Variants in ZNG1A observed in about 807,000 individuals in gnomAD.
ZNG1A encodes the protein Zn regulated GTPase metalloprotein activator 1A.
At chr9:178,415 C>A in the ZNG1A span, among the ~76,000 whole-genome samples, 6 of 147,428 alleles carry the variant, frequency 4.1e-5, no homozygotes, top group Non-Finnish European at 9.1e-5. Context: ...ACAGACGGGA[C>A]ATCCTTTAAT....
At chr9:173,926 T>A in the ZNG1A span, among the ~76,000 whole-genome samples, 2 of 152,110 alleles carry the variant, frequency 1.3e-5, no homozygotes, top group Non-Finnish European at 2.9e-5. Context: ...GGCGGGCGGA[T>A]CACGAGGTCA....
the ZNG1A span, among the ~76,000 whole-genome samples, chr9:128,974 T>A: frequency 6.6e-6 from 1 of 152,042 alleles, no homozygotes. Flanking sequence ...CCAGCAAGTC[T>A]ACCAGGCTCC....
the ZNG1A span, chr9:162,580 C>G: frequency 1.9e-6 from 2 of 1,032,006 alleles, no homozygotes; most frequent in Non-Finnish European, 2.8e-6. Context: ...TTCACAAATA[C>G]TACTCAATAA....
chr9:172,169 G>A, the ZNG1A span: 12 of 1,611,030 alleles, frequency 7.4e-6, no homozygotes, highest in Non-Finnish European at 1.0e-5. Flanking sequence ...TAAGGCCACT[G>A]TCCCTGGAGA....
At chr9:146,642 G>C in the ZNG1A span, 1 of 152,646 alleles carries the variant, frequency 6.6e-6, no homozygotes, top group Non-Finnish European at 1.4e-5. Context: ...ATCTTCACGT[G>C]ATTTGATTTC....
chr9:161,551 A>G, the ZNG1A span: 1 of 1,285,260 alleles, frequency 7.8e-7, no homozygotes. Context: ...CTGAATTTAA[A>G]CTTCCAAGAA....
chr9:149,237 A>G, the ZNG1A span: 1 of 151,198 alleles, frequency 6.6e-6, no homozygotes, highest in East Asian at 1.9e-4. Context: ...TCCTTCACTA[A>G]CTCCTTGCTC....
At chr9:155,008 T>C in the ZNG1A span, among the ~76,000 whole-genome samples, 1 of 152,178 alleles carries the variant, frequency 6.6e-6, no homozygotes, top group South Asian at 2.1e-4. Flanking sequence ...TTGTGTTCAT[T>C]ACTATGCAAG....
the ZNG1A span, chr9:177,873 A>T: frequency 6.8e-7 from 1 of 1,462,372 alleles, no homozygotes; most frequent in East Asian, 2.5e-5. Flanking sequence ...TCCGAGCAAA[A>T]AACGGGAATA....
chr9:172,235 AAC>A, the ZNG1A span: 2 of 1,594,638 alleles, frequency 1.3e-6, no homozygotes, highest in South Asian at 2.2e-5. Flanking sequence ...GATTATTATA[AAC>A]ACTTTAAAAT....
chr9:160,592 T>C, the ZNG1A span, among the ~76,000 whole-genome samples: 2 of 151,558 alleles, frequency 1.3e-5, no homozygotes, highest in Admixed American at 6.6e-5. Flanking sequence ...ATTCAGAATG[T>C]TGCTTTGTTT....
the ZNG1A span, chr9:135,172 C>T: frequency 2.3e-4 from 351 of 1,495,774 alleles, 1 homozygote; most frequent in Admixed American, 5.6e-4. Context: ...ACAAGTTGTT[C>T]GCAAATTCCA....
At chr9:135,662 CA>C in the ZNG1A span, among the ~76,000 whole-genome samples, 1 of 103,548 alleles carries the variant, frequency 9.7e-6, no homozygotes, top group Non-Finnish European at 1.7e-5. Flanking sequence ...TACATTTCAA[CA>C]CTGATGGGGA....
chr9:162,350 C>T, the ZNG1A span: 1 of 1,277,592 alleles, frequency 7.8e-7, no homozygotes, highest in East Asian at 2.6e-5. Context: ...ATTTCAGATA[C>T]AAACATAAAG....
chr9:140,700 T>C, the ZNG1A span, among the ~76,000 whole-genome samples: 1 of 151,926 alleles, frequency 6.6e-6, no homozygotes. Context: ...AGAATGACTT[T>C]GACGAGCTGA....
chr9:174,110 G>A, the ZNG1A span, among the ~76,000 whole-genome samples: 5,947 of 144,884 alleles, frequency 0.041, 139 homozygotes, highest in African/African-American at 0.074. Context: ...CTGCGCCACT[G>A]CACTCCAGCC....
the ZNG1A span, among the ~76,000 whole-genome samples, chr9:138,978 C>A: frequency 5.4e-5 from 8 of 148,938 alleles, no homozygotes; most frequent in African/African-American, 1.8e-4. Flanking sequence ...ACCCACTATG[C>A]CTACCCTTAA....
the ZNG1A span, chr9:146,411 T>C: frequency 2.9e-6 from 1 of 345,702 alleles, no homozygotes; most frequent in South Asian, 4.8e-5. Context: ...TACATTTTTA[T>C]AGCTAAAAAA....
chr9:177,160 T>C, the ZNG1A span, among the ~76,000 whole-genome samples: 2 of 152,196 alleles, frequency 1.3e-5, no homozygotes, highest in African/African-American at 2.4e-5. Flanking sequence ...CATTAGTTCA[T>C]TGTGCGGGGC....
Sources: allele counts gnomAD v4.1 joint callset (sites outside exome capture counted in the v4.1 genomes callset), GRCh38; gene constraint gnomAD v4.1.1; transcripts MANE v1.5; gene names NCBI Gene and HGNC (gene_info 2026-07-23, HGNC 2026-07-21).